Variants in ARHGAP24 observed in about 807,000 individuals in gnomAD.
The protein encoded by ARHGAP24 is Rho GTPase activating protein 24.
Under a neutral mutation model 76.4 loss-of-function variants are expected in ARHGAP24, and 50 were observed. The ratio of observed to expected loss-of-function variants is 0.65; its 90% CI spans 0.52 to 0.83. ARHGAP24 has a LOEUF of 0.83. ARHGAP24 is among the 40% of genes least tolerant of loss of function. ARHGAP24 has a pLI of 0.00. For synonymous variants in ARHGAP24, 345 were observed against 323.3 expected (o/e 1.07, Z -0.72); for missense variants, 930 against 914.2 (o/e 1.02, Z -0.22).
chr4:85,513,958 G>T (rs1043532734), intron 1 of ARHGAP24, among the ~76,000 whole-genome samples: 7 of 152,042 alleles, frequency 4.6e-5, no homozygotes, highest in Non-Finnish European at 1.0e-4. Flanking sequence ...TGTGTATGTT[G>T]TCATTACCTG....
rs1726308816 is a variant in ARHGAP24 at position 85,752,667 on chromosome 4, A to G, written c.268+30695A>G. 2.0e-5 allele frequency among the ~76,000 whole-genome samples: 3 copies of G among 152,180 alleles called. No individual in the cohort carries two copies. In the South Asian group the frequency reaches 6.2e-4, roughly 32 times the overall value. ...CTTGGGTTTAAAACCTGACACTGGT[A>G]CTTGTACCATCATTTCTGTCAGCAA... On this transcript the variant is annotated intron_variant, in intron 3 of 9. Transcript: ENST00000395184.
intron 3 of ARHGAP24, among the ~76,000 whole-genome samples, chr4:85,846,896 A>G (rs551860925): frequency 1.3e-5 from 2 of 152,318 alleles, no homozygotes; most frequent in Admixed American, 1.3e-4. Flanking sequence ...AATTTACAAT[A>G]ATTTTACTGC....
chr4:85,488,189 A>G (rs1723218483), intron 1 of ARHGAP24, among the ~76,000 whole-genome samples: 2 of 151,272 alleles, frequency 1.3e-5, no homozygotes, highest in East Asian at 3.9e-4. Context: ...CCACCTTGAT[A>G]TTTTCCACGA....
At position 85,994,947 on chromosome 4, in the gene ARHGAP24, G is replaced by C; in HGVS notation, c.1293G>C (p.Gly431=). The change falls in exon 9 of 10, where the codon GGG becomes GGC. Residue 431 remains glycine, a synonymous_variant. Transcript: ENST00000395184. ...KKNPAFNKGS[G]IVTNGSFSSS... is the part of the protein sequence containing the mutation. ...ACCCAGCCTTTAATAAGGGTAGTGG[G>C]ATAGTTACCAATGGGTCCTTCAGCA... The C allele has an allele frequency of 6.2e-7, 1 of 1,614,100 alleles. No individual in the cohort carries two copies. The highest frequency in any genetic ancestry group is 8.5e-7 in the Non-Finnish European group (1 of 1,180,020).
At chr4:85,478,404 T>C (rs1361162814) in intron 1 of ARHGAP24, among the ~76,000 whole-genome samples, 1 of 152,208 alleles carries the variant, frequency 6.6e-6, no homozygotes, top group Non-Finnish European at 1.5e-5. Context: ...AAGGTTCTGA[T>C]GGCTTCAGCA....
intron 2 of ARHGAP24, among the ~76,000 whole-genome samples, chr4:85,574,057 C>T (rs1011753261): frequency 6.6e-6 from 1 of 152,088 alleles, no homozygotes; most frequent in Non-Finnish European, 1.5e-5. Flanking sequence ...CATTCCTAAC[C>T]AGCTGGAAAT....
At chr4:85,733,944 A>G (rs1725509888) in intron 3 of ARHGAP24, among the ~76,000 whole-genome samples, 1 of 152,196 alleles carries the variant, frequency 6.6e-6, no homozygotes, top group Non-Finnish European at 1.5e-5. Context: ...TAAAAAGGAA[A>G]TGAGACTTAA....
intron 4 of ARHGAP24, among the ~76,000 whole-genome samples, chr4:85,932,795 C>A (rs529691190): frequency 6.6e-6 from 1 of 152,314 alleles, no homozygotes; most frequent in African/African-American, 2.4e-5. Context: ...CGGTTTTACG[C>A]TTCCTTTCCA....
chr4:85,662,785 C>T (rs941375980), intron 2 of ARHGAP24, among the ~76,000 whole-genome samples: 2 of 152,200 alleles, frequency 1.3e-5, no homozygotes, highest in African/African-American at 4.8e-5. Context: ...ATCCTCTCCC[C>T]ATTGCTTGTT....
At chr4:85,505,535 C>A (rs554587162) in intron 1 of ARHGAP24, among the ~76,000 whole-genome samples, 5 of 152,142 alleles carry the variant, frequency 3.3e-5, no homozygotes, top group Admixed American at 6.5e-5. Context: ...CTTGTGCATG[C>A]GTCACAAAGT....
At chr4:85,494,687 A>G (rs1450880141) in intron 1 of ARHGAP24, among the ~76,000 whole-genome samples, 2 of 152,002 alleles carry the variant, frequency 1.3e-5, no homozygotes, top group Admixed American at 1.3e-4. Flanking sequence ...CTCAAAAAAA[A>G]AAATAAAAAA....
At chr4:85,570,419 CT>C in intron 1 of ARHGAP24, 102 bp from the exon 2 acceptor site, 2 of 395,150 alleles carry the variant, frequency 5.1e-6, no homozygotes, top group Non-Finnish European at 8.3e-6. Flanking sequence ...TCTTTCTTTC[CT>C]CTCTCTCTCT....
intron 1 of ARHGAP24, among the ~76,000 whole-genome samples, chr4:85,565,603 G>A (rs143636329): frequency 1.3e-4 from 20 of 152,208 alleles, no homozygotes; most frequent in Admixed American, 1.1e-3. Context: ...CCCTGGGAGC[G>A]TGCATTCACT....
rs557944325 is a variant in ARHGAP24 at position 85,810,775 on chromosome 4, T to G, written c.268+88803T>G. Among the ~76,000 whole-genome samples the G allele has an allele frequency of 5.3e-5, 8 of 152,348 alleles. No homozygotes were observed. In the South Asian group the frequency reaches 1.2e-3, roughly 24 times the overall value. ...AAAAGTTTCTTCAGTGTCACTTCTT[T>G]TTGTTTGTAGAGATATAAAATTATT... is the stretch of plus-strand genomic sequence containing the variant. On this transcript the variant is annotated intron_variant, in intron 3 of 9. Transcript: ENST00000395184.
intron 3 of ARHGAP24, among the ~76,000 whole-genome samples, chr4:85,794,435 T>C (rs1728258152): frequency 6.6e-6 from 1 of 152,216 alleles, no homozygotes; most frequent in African/African-American, 2.4e-5. Flanking sequence ...TATAATTGTA[T>C]ACAATGCTTT....
intron 3 of ARHGAP24, among the ~76,000 whole-genome samples, chr4:85,921,512 A>T (rs1265074245): frequency 6.7e-6 from 1 of 150,334 alleles, no homozygotes; most frequent in East Asian, 2.0e-4. Context: ...ACAAACCTGA[A>T]CATGTATCCC....
intron 4 of ARHGAP24, among the ~76,000 whole-genome samples, chr4:85,925,210 C>T (rs1403758549): frequency 1.3e-5 from 2 of 152,154 alleles, no homozygotes; most frequent in Admixed American, 6.5e-5. Context: ...TTAAGTTGCA[C>T]GTTGTTTTTT....
At chr4:85,899,947 A>G (rs1734401994) in intron 3 of ARHGAP24, among the ~76,000 whole-genome samples, 1 of 152,228 alleles carries the variant, frequency 6.6e-6, no homozygotes, top group Non-Finnish European at 1.5e-5. Context: ...AGCTCAAATA[A>G]TAAAGCTATT....
At chr4:85,503,232 A>G (rs1473712443) in intron 1 of ARHGAP24, among the ~76,000 whole-genome samples, 1 of 152,166 alleles carries the variant, frequency 6.6e-6, no homozygotes, top group African/African-American at 2.4e-5. Flanking sequence ...CTGGCCTCAT[A>G]AAATGAGTTA....
Sources: gnomAD v4.1 joint callset for allele counts (sites outside exome capture counted in the v4.1 genomes callset) on GRCh38, gnomAD v4.1.1 for gene constraint, MANE v1.5 for transcripts, NCBI Gene and HGNC (gene_info 2026-07-23, HGNC 2026-07-21) for gene names.